Variants in MED13 observed in about 807,000 individuals in gnomAD.
MED13 encodes mediator of RNA polymerase II transcription subunit 13.
In MED13, 23 loss-of-function variants were observed where a neutral mutation model predicts 225.2. The observed-to-expected ratio is 0.10, with a 90% CI of 0.07 to 0.14. The LOEUF is 0.14. Among genes scored for constraint, MED13 ranks in the 10% least tolerant of loss-of-function variants. MED13 has a pLI of 1.00. For missense variants in MED13, 2,197 were observed against 2,594.5 expected, an observed-to-expected ratio of 0.85 and a Z score of 3.33; for synonymous variants, 942 against 889.2, an observed-to-expected ratio of 1.06 and a Z score of -1.06.
At chr17:62,064,664 A>C (rs1205243399) in intron 1 of MED13, among the ~76,000 whole-genome samples, 1 of 152,098 alleles carries the variant, frequency 6.6e-6, no homozygotes, top group Non-Finnish European at 1.5e-5. Flanking sequence ...GACTCATACA[A>C]AAAAAATGTA....
At chr17:62,048,467 G>C (rs76888249) in intron 3 of MED13, among the ~76,000 whole-genome samples, 4 of 147,502 alleles carry the variant, frequency 2.7e-5, no homozygotes, top group Non-Finnish European at 4.5e-5. Flanking sequence ...AAAGATATTA[G>C]AGCCTCTCCA....
chr17:62,052,778 A>G, intron 2 of MED13, 73 bp from the exon 3 acceptor site: 2 of 1,132,630 alleles, frequency 1.8e-6, no homozygotes, highest in Non-Finnish European at 1.2e-6. Context: ...AAAAGGTTAC[A>G]GTTTAAACTC....
At position 62,047,245 on chromosome 17, in the gene MED13, C is replaced by T. The variant is rs2080906473; in HGVS notation, c.470+5292G>A. 7.9e-5 allele frequency among the ~76,000 whole-genome samples: 12 copies of T among 152,086 alleles called. No individual in the cohort carries two copies. In the South Asian group the frequency reaches 2.5e-3, roughly 32 times the overall value. On this transcript the variant is annotated intron_variant, in intron 3 of 29. Coordinates refer to ENST00000397786, the MANE Select transcript of MED13 (RefSeq NM_005121.3). Reference sequence around the variant, plus strand: ...AATTAGCCGGGCGTGCTGGTGGGTGCCTATAATCCCAGCTACTCGGGAGGC... The same window carrying T: ...AATTAGCCGGGCGTGCTGGTGGGTGTCTATAATCCCAGCTACTCGGGAGGC...
In MED13 at chr17:61,962,924, T is replaced by A. The variant is rs746878867; in HGVS notation, c.4892A>T (p.His1631Leu). 1.9e-6 allele frequency: 3 copies of A among 1,614,108 alleles called. No individual in the cohort carries two copies. Residue 1631 changes from histidine to leucine, a missense_variant, in exon 21 of 30, where the codon CAT (histidine) becomes CTT (leucine). By Grantham distance (99) the His-to-Leu change is moderately conservative (BLOSUM62 -3). Transcript: ENST00000397786. ...KVGIPTDGDS[H>L]AVTYPPAIVV... ...AATTGCAGGTGGATACGTGACTGCATGTGAATCACCATCTGTGGGGATTCC... is the reference window on the plus strand; with the variant it reads ...AATTGCAGGTGGATACGTGACTGCAAGTGAATCACCATCTGTGGGGATTCC...
chr17:61,947,784 C>T (rs2079863135), intron 28 of MED13, among the ~76,000 whole-genome samples: 1 of 152,156 alleles, frequency 6.6e-6, no homozygotes, highest in Admixed American at 6.5e-5. Flanking sequence ...AAGGAATAAA[C>T]TACTCCACAC....
At chr17:62,017,222 A>AAC (rs894656049) in intron 8 of MED13, among the ~76,000 whole-genome samples, 1 of 147,726 alleles carries the variant, frequency 6.8e-6, no homozygotes, top group African/African-American at 2.4e-5. Context: ...AAAATGCTAA[A>AAC]AAAAAAAAAA....
intron 10 of MED13, among the ~76,000 whole-genome samples, chr17:61,993,100 T>C (rs1001440011): frequency 6.6e-6 from 1 of 151,696 alleles, no homozygotes; most frequent in Non-Finnish European, 1.5e-5. Flanking sequence ...AAGTAGAGAC[T>C]CTAATGTGCC....
chr17:61,987,856 A>G (rs973456064), intron 11 of MED13, among the ~76,000 whole-genome samples: 1 of 151,952 alleles, frequency 6.6e-6, no homozygotes, highest in South Asian at 2.1e-4. Flanking sequence ...GGTTCAAGCA[A>G]TCCTCCCACC....
At chr17:62,003,689 GA>G (rs1234071411) in intron 9 of MED13, 8 of 139,150 alleles carry the variant, frequency 5.7e-5, no homozygotes, top group Admixed American at 7.3e-5. Context: ...ATTCACATAA[GA>G]CATATGATTA....
intron 3 of MED13, among the ~76,000 whole-genome samples, chr17:62,043,267 A>C (rs1485998526): frequency 6.6e-6 from 1 of 151,968 alleles, no homozygotes; most frequent in Non-Finnish European, 1.5e-5. Flanking sequence ...TTTTTCTCAT[A>C]AACGTTCTAG....
At chr17:61,961,865 T>C in intron 21 of MED13, 86 bp from the exon 22 acceptor site, 1 of 1,245,828 alleles carries the variant, frequency 8.0e-7, no homozygotes, top group South Asian at 1.3e-5. Flanking sequence ...AAAAACTTTT[T>C]ACTAGAAAAT....
At chr17:62,031,227 G>A in intron 6 of MED13, 1 of 419,092 alleles carries the variant, frequency 2.4e-6, no homozygotes, top group East Asian at 4.3e-5. Context: ...GTTCTCAAAT[G>A]GTTCAGAAAA....
At chr17:62,015,867 A>G (rs780826247) in intron 8 of MED13, among the ~76,000 whole-genome samples, 26 of 77,234 alleles carry the variant, frequency 3.4e-4, no homozygotes, top group East Asian at 2.2e-3. Flanking sequence ...TATAGTGTGT[A>G]TGTGTGTGTG....
chr17:61,971,433 G>T (rs1387343298), intron 17 of MED13, among the ~76,000 whole-genome samples: 1 of 151,506 alleles, frequency 6.6e-6, no homozygotes, highest in Non-Finnish European at 1.5e-5. Context: ...CAAGTAGCTG[G>T]GATTACAGAC....
chr17:62,042,514 A>C (rs2143718112), intron 3 of MED13, among the ~76,000 whole-genome samples: 1 of 134,512 alleles, frequency 7.4e-6, no homozygotes, highest in Middle Eastern at 4.2e-3. Context: ...ATGAGCCGAG[A>C]TTGCGCCACT....
intron 2 of MED13, among the ~76,000 whole-genome samples, chr17:62,061,297 T>C (rs769269651): frequency 7.9e-5 from 12 of 151,918 alleles, no homozygotes; most frequent in Admixed American, 2.0e-4. Flanking sequence ...GATGGAAGGA[T>C]CACTAGAGTT....
intron 9 of MED13, among the ~76,000 whole-genome samples, chr17:62,002,665 A>G (rs1197249718): frequency 1.3e-5 from 2 of 152,228 alleles, no homozygotes; most frequent in Non-Finnish European, 2.9e-5. Flanking sequence ...ACAGCAGGTA[A>G]TAAATTATCC....
rs546375432 is a variant in MED13, at chr17:61,966,826, G to T, written c.4192-175C>A. On this transcript the variant is annotated intron_variant, in intron 18 of 29. Transcript: ENST00000397786. ...TAGGCCAAAAAAATAAACATATCAA[G>T]GGTGAAATGGTGCCATAGGTCTTTT... Among the ~76,000 whole-genome samples, 4 of 152,132 alleles carry T rather than the reference G, an allele frequency of 2.6e-5. No homozygotes were observed. The East Asian group carries it at 7.7e-4, about 29-fold the overall frequency.
intron 16 of MED13, among the ~76,000 whole-genome samples, chr17:61,977,312 T>C (rs1385867555): frequency 6.6e-6 from 1 of 152,052 alleles, no homozygotes; most frequent in African/African-American, 2.4e-5. Flanking sequence ...GGAGACAGAG[T>C]TATCCACATA....
Sources: allele counts gnomAD v4.1 joint callset (sites outside exome capture counted in the v4.1 genomes callset), GRCh38; gene constraint gnomAD v4.1.1; transcripts MANE v1.5; gene names NCBI Gene and HGNC (gene_info 2026-07-23, HGNC 2026-07-21).